The following SLC30A9 variants were observed in gnomAD, a reference collection of about 807,000 sequenced individuals.
The protein encoded by SLC30A9 is proton-coupled zinc antiporter SLC30A9, mitochondrial.
Under a neutral mutation model 87.5 loss-of-function variants are expected in SLC30A9, and 58 were observed. The observed-to-expected ratio is 0.66, with a 90% CI of 0.54 to 0.82. The LOEUF (loss-of-function observed/expected upper bound fraction) is 0.82, where lower values mean the gene tolerates loss of function less well. Among genes scored for constraint, SLC30A9 ranks in the 40% least tolerant of loss-of-function variants. SLC30A9 has a pLI of 0.00. For synonymous variants in SLC30A9, 234 were observed against 233.0 expected (o/e 1.00, Z -0.04); for missense variants, 557 against 679.1 (o/e 0.82, Z 2.00).
At chr4:42,037,239 CTTTTTTTTTTTTTTTTTT>C (rs536795831) in intron 7 of SLC30A9, among the ~76,000 whole-genome samples, 21 of 91,222 alleles carry the variant, frequency 2.3e-4, no homozygotes, top group African/African-American at 6.0e-4. Context: ...TAAATGCCTT[CTTTTTTTTTTTTTTTTTT>C]TTTTTTTTTT....
chr4:42,034,037 C>A (rs985881326), intron 6 of SLC30A9, among the ~76,000 whole-genome samples: 2 of 152,128 alleles, frequency 1.3e-5, no homozygotes, highest in African/African-American at 4.8e-5. Flanking sequence ...AAAACGATAC[C>A]ATGAGAAGCC....
At chr4:42,002,194 G>A (rs539854702) in intron 2 of SLC30A9, among the ~76,000 whole-genome samples, 21 of 150,888 alleles carry the variant, frequency 1.4e-4, no homozygotes, top group Admixed American at 4.0e-4. Context: ...ATCCTATTTC[G>A]TCAATTTTTA....
intron 8 of SLC30A9, among the ~76,000 whole-genome samples, chr4:42,042,301 A>T (rs1716954390): frequency 6.6e-6 from 1 of 152,164 alleles, no homozygotes; most frequent in Non-Finnish European, 1.5e-5. Context: ...GAAAGCTAAG[A>T]TCCACTGGCT....
At chr4:42,042,367 G>C (rs1716957383) in intron 8 of SLC30A9, among the ~76,000 whole-genome samples, 1 of 152,136 alleles carries the variant, frequency 6.6e-6, no homozygotes, top group African/African-American at 2.4e-5. Context: ...GCTTGAGTTT[G>C]GTGTGTGTTG....
intron 8 of SLC30A9, among the ~76,000 whole-genome samples, chr4:42,048,445 T>C (rs1717257674): frequency 6.6e-6 from 1 of 152,124 alleles, no homozygotes; most frequent in Non-Finnish European, 1.5e-5. Context: ...AAAGGGGACA[T>C]ACAGTTCTCT....
intron 8 of SLC30A9, among the ~76,000 whole-genome samples, chr4:42,047,365 A>T (rs562025421): frequency 2.2e-4 from 34 of 152,244 alleles, no homozygotes; most frequent in Non-Finnish European, 3.2e-4. Context: ...ATCTACAAGG[A>T]ACTTAAACAA....
intron 8 of SLC30A9, 31 bp from the exon 9 acceptor site, chr4:42,049,346 T>C: frequency 6.9e-7 from 1 of 1,448,660 alleles, no homozygotes; most frequent in East Asian, 2.3e-5. Flanking sequence ...TGTCCAAACC[T>C]ATGCTAAATT....
intron 2 of SLC30A9, among the ~76,000 whole-genome samples, chr4:42,009,871 G>A (rs891360137): frequency 1.3e-5 from 2 of 152,190 alleles, no homozygotes; most frequent in African/African-American, 4.8e-5. Flanking sequence ...CATTAGGTAA[G>A]TTTTGAAAAT....
chr4:42,005,326 T>G (rs565807780), intron 2 of SLC30A9, among the ~76,000 whole-genome samples: 1 of 152,376 alleles, frequency 6.6e-6, no homozygotes, highest in Admixed American at 6.5e-5. Context: ...TAAATTCAGT[T>G]CTCTGCTTTA....
chr4:42,001,160 C>T (rs913392928), intron 1 of SLC30A9, among the ~76,000 whole-genome samples: 4 of 152,064 alleles, frequency 2.6e-5, no homozygotes, highest in East Asian at 3.9e-4. Context: ...ATTAAAAAAT[C>T]GGTGACAGTA....
At chr4:42,067,054 T>G in intron 13 of SLC30A9, 31 bp from the exon 14 acceptor site, 3 of 1,362,280 alleles carry the variant, frequency 2.2e-6, no homozygotes, top group Non-Finnish European at 2.1e-6. Context: ...TTTTAGAAAT[T>G]TTCTTGTCTT....
At chr4:42,067,550 T>C (rs1718131182) in intron 14 of SLC30A9, among the ~76,000 whole-genome samples, 1 of 152,250 alleles carries the variant, frequency 6.6e-6, no homozygotes, top group African/African-American at 2.4e-5. Flanking sequence ...TAAGAAAATA[T>C]GAGAGTTTTA....
intron 15 of SLC30A9, among the ~76,000 whole-genome samples, chr4:42,072,671 G>T (rs1415923105): frequency 6.6e-6 from 1 of 152,090 alleles, no homozygotes; most frequent in Admixed American, 6.5e-5. Flanking sequence ...CTTACATATA[G>T]TCTTGGATAA....
At chr4:42,051,356 C>A (rs895467674) in intron 9 of SLC30A9, among the ~76,000 whole-genome samples, 6 of 152,166 alleles carry the variant, frequency 3.9e-5, no homozygotes, top group Non-Finnish European at 7.3e-5. Context: ...GTATAACATT[C>A]ACAGTGTTTA....
chr4:42,061,167 G>T (rs1577715301), intron 10 of SLC30A9, among the ~76,000 whole-genome samples: 2 of 152,082 alleles, frequency 1.3e-5, no homozygotes, highest in East Asian at 3.9e-4. Flanking sequence ...GTCTACTTTA[G>T]TGCTGCCCAA....
chr4:42,065,888 C>G (rs1023961508), intron 12 of SLC30A9, among the ~76,000 whole-genome samples: 20 of 152,024 alleles, frequency 1.3e-4, no homozygotes, highest in Admixed American at 1.2e-3. Context: ...GAGTATCATA[C>G]CATAATACTC....
chr4:42,013,302 T>G (rs1227728351), intron 2 of SLC30A9, among the ~76,000 whole-genome samples: 1 of 152,014 alleles, frequency 6.6e-6, no homozygotes, highest in African/African-American at 2.4e-5. Context: ...AATAATAGTA[T>G]GATGGAAGAC....
At chr4:42,060,796 T>C (rs1469606957) in intron 10 of SLC30A9, among the ~76,000 whole-genome samples, 1 of 152,188 alleles carries the variant, frequency 6.6e-6, no homozygotes, top group Non-Finnish European at 1.5e-5. Context: ...CTAACACTTT[T>C]GAATTCCACA....
At chr4:42,013,748 A>T (rs1244723642) in intron 2 of SLC30A9, among the ~76,000 whole-genome samples, 1 of 152,222 alleles carries the variant, frequency 6.6e-6, no homozygotes, top group Non-Finnish European at 1.5e-5. Flanking sequence ...TCAAATCAAA[A>T]TGGAGTAAAG....
Sources: allele counts gnomAD v4.1 joint callset (sites outside exome capture counted in the v4.1 genomes callset), GRCh38; gene constraint gnomAD v4.1.1; transcripts MANE v1.5; gene names NCBI Gene and HGNC (gene_info 2026-07-23, HGNC 2026-07-21).